The following SLC9A9 variants were observed in gnomAD, a reference collection of about 807,000 sequenced individuals.
SLC9A9 encodes sodium/hydrogen exchanger 9.
A neutral mutation model predicts 77.8 loss-of-function variants in SLC9A9; 62 were observed. That is an observed-to-expected ratio of 0.80 (90% CI 0.65 to 0.98). The LOEUF (loss-of-function observed/expected upper bound fraction) is 0.98. Ranked by LOEUF, SLC9A9 falls within the 50% of genes least tolerant of loss-of-function variation. The pLI, the probability that SLC9A9 is intolerant of heterozygous loss-of-function variation, is 0.00. For synonymous variants in SLC9A9, 320 were observed against 283.5 expected (o/e 1.13, Z -1.29); for missense variants, 775 against 774.9 (o/e 1.00, Z 0.00).
intron 4 of SLC9A9, among the ~76,000 whole-genome samples, chr3:143,706,340 C>T (rs1037435351): frequency 1.3e-5 from 2 of 152,160 alleles, no homozygotes; most frequent in Admixed American, 6.5e-5. Flanking sequence ...CCTTAGGGCC[C>T]AGTATGGGCT....
At chr3:143,579,254 T>C (rs1005612913) in intron 6 of SLC9A9, among the ~76,000 whole-genome samples, 1 of 152,128 alleles carries the variant, frequency 6.6e-6, no homozygotes, top group Admixed American at 6.5e-5. Flanking sequence ...CTGATGGTGC[T>C]CAGAACATCA....
intron 12 of SLC9A9, among the ~76,000 whole-genome samples, chr3:143,428,845 A>G (rs1357875044): frequency 6.6e-6 from 1 of 152,216 alleles, no homozygotes; most frequent in Non-Finnish European, 1.5e-5. Context: ...GATCTCACTC[A>G]TGTGGAGTCC....
intron 4 of SLC9A9, among the ~76,000 whole-genome samples, chr3:143,760,876 A>G (rs920905143): frequency 4.4e-4 from 67 of 152,324 alleles, no homozygotes; most frequent in African/African-American, 1.5e-3. Flanking sequence ...AGGAGCCCGC[A>G]TTGCCAAGAC....
At chr3:143,360,497 C>G (rs966409420) in intron 14 of SLC9A9, among the ~76,000 whole-genome samples, 4 of 152,218 alleles carry the variant, frequency 2.6e-5, no homozygotes, top group African/African-American at 9.7e-5. Context: ...TGTTATATCT[C>G]TAGACCCTCC....
intron 6 of SLC9A9, among the ~76,000 whole-genome samples, chr3:143,629,849 G>C (rs2038391632): frequency 1.3e-5 from 2 of 152,238 alleles, no homozygotes; most frequent in Admixed American, 1.3e-4. Context: ...TTATGAGCCA[G>C]GCATTAGGCA....
At chr3:143,711,416 GA>G (rs1934191150) in intron 4 of SLC9A9, among the ~76,000 whole-genome samples, 1 of 151,838 alleles carries the variant, frequency 6.6e-6, no homozygotes, top group African/African-American at 2.4e-5. Flanking sequence ...AAATTAAAAA[GA>G]ATTTTTTTCT....
chr3:143,789,184 T>C (rs1576727047), intron 4 of SLC9A9, among the ~76,000 whole-genome samples: 1 of 152,290 alleles, frequency 6.6e-6, no homozygotes, highest in Non-Finnish European at 1.5e-5. Flanking sequence ...TCACAGTACA[T>C]GGTAAAATCA....
intron 12 of SLC9A9, among the ~76,000 whole-genome samples, chr3:143,403,081 T>C (rs969168666): frequency 8.5e-5 from 13 of 152,110 alleles, no homozygotes; most frequent in African/African-American, 3.1e-4. Context: ...CTTTGTGCTG[T>C]CATATATATT....
intron 4 of SLC9A9, among the ~76,000 whole-genome samples, chr3:143,727,895 T>C (rs1560051733): frequency 6.6e-6 from 1 of 152,260 alleles, no homozygotes; most frequent in South Asian, 2.1e-4. Context: ...CAAATACTTA[T>C]TGATGTCTAT....
At chr3:143,319,826 A>G (rs147844985) in intron 14 of SLC9A9, among the ~76,000 whole-genome samples, 2 of 152,310 alleles carry the variant, frequency 1.3e-5, no homozygotes, top group African/African-American at 4.8e-5. Context: ...ATCTGGGCAA[A>G]ATGGTAGCAG....
At chr3:143,805,708 C>G (rs2108867247) in intron 2 of SLC9A9, among the ~76,000 whole-genome samples, 1 of 152,232 alleles carries the variant, frequency 6.6e-6, no homozygotes, top group Admixed American at 6.5e-5. Context: ...AAAAGCTCCC[C>G]CACTGAGCAC....
intron 14 of SLC9A9, among the ~76,000 whole-genome samples, chr3:143,306,907 C>T (rs1415419754): frequency 2.6e-5 from 4 of 152,134 alleles, no homozygotes; most frequent in African/African-American, 9.7e-5. Flanking sequence ...TCTTTCTTTC[C>T]TCCTGGCCTG....
intron 5 of SLC9A9, among the ~76,000 whole-genome samples, chr3:143,661,275 A>G (rs1211069100): frequency 6.6e-6 from 1 of 152,188 alleles, no homozygotes; most frequent in Non-Finnish European, 1.5e-5. Context: ...TCTACAATAA[A>G]TGTGCACTAT....
chr3:143,843,966 T>C (rs2009768434), intron 1 of SLC9A9, among the ~76,000 whole-genome samples: 1 of 152,210 alleles, frequency 6.6e-6, no homozygotes, highest in Non-Finnish European at 1.5e-5. Flanking sequence ...TCGAATATCA[T>C]AATAGATTAC....
chr3:143,460,375 C>T lies in SLC9A9; in HGVS notation c.1469+6662G>A, dbSNP rs1172187477. On this transcript the variant is annotated intron_variant, in intron 12 of 15. Coordinates refer to ENST00000316549, the MANE Select transcript of SLC9A9 (RefSeq NM_173653.4). ...ACTCCATTTTGACCAGAACTGGTAC[C>T]CTTCTCCACAGCCTTTGAATAACAA... 8.5e-5 allele frequency among the ~76,000 whole-genome samples: 13 copies of T among 152,066 alleles called. No individual in the cohort carries two copies. The East Asian group carries it at 2.3e-3, about 27-fold the overall frequency.
intron 4 of SLC9A9, among the ~76,000 whole-genome samples, chr3:143,698,979 C>T (rs867984633): frequency 1.4e-4 from 21 of 152,262 alleles, no homozygotes; most frequent in Admixed American, 3.9e-4. Flanking sequence ...GAATTTTATA[C>T]CCAAATGTCC....
Position 143,349,127 on chromosome 3 carries a change from G to A in SLC9A9, c.1604+14357C>T, listed in dbSNP as rs117850972. Among the ~76,000 whole-genome samples, 36 of 152,318 alleles carry A rather than the reference G, an allele frequency of 2.4e-4. No homozygotes were observed. The East Asian group carries it at 6.2e-3, about 26-fold the overall frequency. ...TCTCTGCCCCCAGCTACTGGCAGAC[G>A]GGAGTAACACGCATGTAGCAGTCCC... On this transcript the variant is annotated intron_variant, in intron 14 of 15. Transcript: ENST00000316549.
At chr3:143,790,750 A>G (rs1338317611) in intron 4 of SLC9A9, among the ~76,000 whole-genome samples, 2 of 152,246 alleles carry the variant, frequency 1.3e-5, no homozygotes, top group Non-Finnish European at 2.9e-5. Context: ...ACATGTAAAA[A>G]GCATAAGTCA....
chr3:143,470,793 T>G (rs890767773), intron 11 of SLC9A9, among the ~76,000 whole-genome samples: 2 of 152,234 alleles, frequency 1.3e-5, no homozygotes, highest in Non-Finnish European at 2.9e-5. Context: ...TTACTAAGAA[T>G]GTTTAATAAT....
Sources: allele counts gnomAD v4.1 joint callset (sites outside exome capture counted in the v4.1 genomes callset), GRCh38; gene constraint gnomAD v4.1.1; transcripts MANE v1.5; gene names NCBI Gene and HGNC (gene_info 2026-07-23, HGNC 2026-07-21).